The following MAF variants were observed in gnomAD, a reference collection of about 807,000 sequenced individuals.
The protein encoded by MAF is MAF bZIP transcription factor, also known as transcription factor Maf.
Under a neutral mutation model 22.0 loss-of-function variants are expected in MAF, and 10 were observed. That is an observed-to-expected ratio of 0.45 (90% CI 0.28 to 0.77). MAF has a LOEUF of 0.77. Among genes scored for constraint, MAF ranks in the 30% least tolerant of loss-of-function variants. The pLI is 0.12. For missense variants in MAF, 544 were observed against 548.4 expected (o/e 0.99, Z 0.08); for synonymous variants, 337 against 255.8 (o/e 1.32, Z -3.03).
the MAF span, among the ~76,000 whole-genome samples, chr16:79,434,988 G>A: frequency 4.6e-5 from 7 of 152,182 alleles, no homozygotes; most frequent in East Asian, 1.2e-3. Context: ...CCCAGATCCG[G>A]CTGCTTATCT....
the MAF span, among the ~76,000 whole-genome samples, chr16:79,302,533 A>G: frequency 1.2e-4 from 19 of 152,126 alleles, no homozygotes; most frequent in Non-Finnish European, 1.3e-4. Context: ...TGCAGGCAGC[A>G]CTCTCGTTCT....
At chr16:79,215,493 G>C in the MAF span, among the ~76,000 whole-genome samples, 11 of 152,306 alleles carry the variant, frequency 7.2e-5, no homozygotes, top group Non-Finnish European at 1.5e-5. Context: ...CATCAGCCAA[G>C]GTGCTGTGCA....
chr16:79,388,589 T>C, the MAF span, among the ~76,000 whole-genome samples: 1 of 152,236 alleles, frequency 6.6e-6, no homozygotes, highest in Non-Finnish European at 1.5e-5. Context: ...TCTCTATCTA[T>C]AAGCCTTTGT....
At chr16:79,407,796 C>G in the MAF span, among the ~76,000 whole-genome samples, 4 of 152,124 alleles carry the variant, frequency 2.6e-5, no homozygotes, top group African/African-American at 9.7e-5. Context: ...AGTCGAGCCG[C>G]CCCACGAAGC....
chr16:79,415,761 C>G, the MAF span, among the ~76,000 whole-genome samples: 3 of 151,814 alleles, frequency 2.0e-5, 1 homozygote, highest in South Asian at 4.2e-4. Context: ...TGGGCCCTCC[C>G]CTTTCTATTG....
chr16:79,333,290 C>A, the MAF span, among the ~76,000 whole-genome samples: 1 of 152,164 alleles, frequency 6.6e-6, no homozygotes, highest in Non-Finnish European at 1.5e-5. Flanking sequence ...TCTGACCCCA[C>A]CTGAGCTCAG....
At chr16:79,539,385 C>A in the MAF span, among the ~76,000 whole-genome samples, 1 of 152,042 alleles carries the variant, frequency 6.6e-6, no homozygotes, top group Non-Finnish European at 1.5e-5. Flanking sequence ...CACCTGTAAT[C>A]CCAACTACTA....
At chr16:79,368,586 T>C in the MAF span, among the ~76,000 whole-genome samples, 1 of 152,144 alleles carries the variant, frequency 6.6e-6, no homozygotes, top group Admixed American at 6.5e-5. Flanking sequence ...TCAGAGTAAA[T>C]GTTGATGTCC....
the MAF span, among the ~76,000 whole-genome samples, chr16:79,417,804 C>G: frequency 2.8e-4 from 42 of 152,082 alleles, no homozygotes; most frequent in Non-Finnish European, 5.3e-4. Flanking sequence ...AAAGGAGTGT[C>G]CCTCTTGAGG....
chr16:79,228,064 C>G, the MAF span, among the ~76,000 whole-genome samples: 34 of 152,160 alleles, frequency 2.2e-4, no homozygotes, highest in East Asian at 6.6e-3. Context: ...CCACCACACG[C>G]AGCTAAGTAC....
chr16:79,502,696 AATATAAATATAAATATATATATATATAT>A, the MAF span, among the ~76,000 whole-genome samples: 9 of 19,248 alleles, frequency 4.7e-4, no homozygotes, highest in African/African-American at 1.4e-3. Flanking sequence ...TATAAATATA[AATATAAATATAAATATATATATATATAT>A]ATATATATAT....
the MAF span, among the ~76,000 whole-genome samples, chr16:79,382,975 T>C: frequency 6.6e-6 from 1 of 152,210 alleles, no homozygotes; most frequent in Non-Finnish European, 1.5e-5. Context: ...ATTCACTCAT[T>C]CATCCATTCA....
At chr16:79,217,762 A>T in the MAF span, among the ~76,000 whole-genome samples, 1 of 152,120 alleles carries the variant, frequency 6.6e-6, no homozygotes, top group African/African-American at 2.4e-5. Flanking sequence ...CCTTGCTGCA[A>T]CTTATCAATA....
At chr16:79,226,433 C>T in the MAF span, among the ~76,000 whole-genome samples, 2 of 151,982 alleles carry the variant, frequency 1.3e-5, no homozygotes, top group African/African-American at 4.8e-5. Flanking sequence ...ATGTAGATGA[C>T]GGGTTGATGG....
At chr16:79,383,138 T>C in the MAF span, among the ~76,000 whole-genome samples, 1 of 152,330 alleles carries the variant, frequency 6.6e-6, no homozygotes, top group African/African-American at 2.4e-5. Context: ...CCATTGGAGA[T>C]ATTGACATTT....
chr16:79,508,562 G>A, the MAF span, among the ~76,000 whole-genome samples: 2 of 152,304 alleles, frequency 1.3e-5, no homozygotes, highest in South Asian at 2.1e-4. Flanking sequence ...TTGCACCAAA[G>A]GCTCCCCAGC....
At chr16:79,536,806 G>C in the MAF span, among the ~76,000 whole-genome samples, 1 of 152,106 alleles carries the variant, frequency 6.6e-6, no homozygotes, top group African/African-American at 2.4e-5. Context: ...AAGTAATCTA[G>C]AGAAAATTTA....
At chr16:79,568,296 G>C in the MAF span, among the ~76,000 whole-genome samples, 1 of 152,166 alleles carries the variant, frequency 6.6e-6, no homozygotes, top group East Asian at 1.9e-4. Context: ...GTCTTCCACT[G>C]GGTTCCTGTT....
At chr16:79,462,094 C>T in the MAF span, among the ~76,000 whole-genome samples, 1 of 152,196 alleles carries the variant, frequency 6.6e-6, no homozygotes, top group Non-Finnish European at 1.5e-5. Flanking sequence ...CCTATCTGGG[C>T]CCATCAGCAA....
Sources: gnomAD v4.1 joint callset for allele counts (sites outside exome capture counted in the v4.1 genomes callset) on GRCh38, gnomAD v4.1.1 for gene constraint, MANE v1.5 for transcripts, NCBI Gene and HGNC (gene_info 2026-07-23, HGNC 2026-07-21) for gene names.